Variants in NRXN1 observed in about 807,000 individuals in gnomAD.
NRXN1 encodes the protein neurexin-1.
In NRXN1, 39 loss-of-function variants were observed where a neutral mutation model predicts 150.9. The observed-to-expected ratio is 0.26, with a 90% confidence interval of 0.20 to 0.34. The LOEUF (loss-of-function observed/expected upper bound fraction) is 0.34. NRXN1 is among the 10% of genes least tolerant of loss of function. NRXN1 has a pLI of 1.00. For synonymous variants in NRXN1, 924 were observed against 757.0 expected (o/e 1.22, Z -3.62); for missense variants, 1,815 against 1,949.9 (o/e 0.93, Z 1.30).
chr2:50,400,391 C>T (rs1465612276), intron 17 of NRXN1, among the ~76,000 whole-genome samples: 2 of 151,894 alleles, frequency 1.3e-5, no homozygotes, highest in African/African-American at 2.4e-5. Flanking sequence ...ATAAGGAGTG[C>T]TATTGGGGGG....
chr2:50,028,745 T>G (rs1481078486), intron 21 of NRXN1, among the ~76,000 whole-genome samples: 2 of 152,250 alleles, frequency 1.3e-5, no homozygotes, highest in Non-Finnish European at 2.9e-5. Flanking sequence ...TCCTTAATCT[T>G]ACATTTGTTT....
chr2:50,001,009 A>T (rs1683829492), intron 21 of NRXN1, among the ~76,000 whole-genome samples: 1 of 152,164 alleles, frequency 6.6e-6, no homozygotes, highest in African/African-American at 2.4e-5. Flanking sequence ...CCCACAACAA[A>T]ACAAACCCAA....
intron 2 of NRXN1, among the ~76,000 whole-genome samples, chr2:50,949,071 T>A (rs1046628318): frequency 6.6e-6 from 1 of 152,064 alleles, no homozygotes; most frequent in Non-Finnish European, 1.5e-5. Flanking sequence ...CCAGCATTTG[T>A]TAATAAGAAG....
chr2:50,245,664 C>T (rs568096233), intron 17 of NRXN1, among the ~76,000 whole-genome samples: 71 of 151,764 alleles, frequency 4.7e-4, no homozygotes, highest in Non-Finnish European at 9.1e-4. Context: ...TTACTTATTT[C>T]AAAGGTTAAT....
At chr2:50,911,279 A>G (rs768943959) in intron 5 of NRXN1, among the ~76,000 whole-genome samples, 1 of 151,786 alleles carries the variant, frequency 6.6e-6, no homozygotes, top group Admixed American at 6.6e-5. Flanking sequence ...ACAACATTAC[A>G]ATCTCGTGTT....
chr2:50,333,941 T>G (rs951599239), intron 17 of NRXN1, among the ~76,000 whole-genome samples: 7 of 152,042 alleles, frequency 4.6e-5, no homozygotes, highest in African/African-American at 1.7e-4. Context: ...CTGCAAGTCT[T>G]GCCTTCACCA....
chr2:50,273,605 A>G (rs1436048457), intron 17 of NRXN1, among the ~76,000 whole-genome samples: 1 of 152,138 alleles, frequency 6.6e-6, no homozygotes, highest in Admixed American at 6.6e-5. Context: ...TATTTAAAAT[A>G]ACAATAGAAT....
chr2:50,163,859 A>G (rs1023024283), intron 18 of NRXN1, among the ~76,000 whole-genome samples: 44 of 152,326 alleles, frequency 2.9e-4, no homozygotes, highest in African/African-American at 1.0e-3. Flanking sequence ...GTTCATAAGC[A>G]AGATGGCAAT....
chr2:50,263,844 C>G (rs926336599), intron 17 of NRXN1, among the ~76,000 whole-genome samples: 3 of 152,102 alleles, frequency 2.0e-5, no homozygotes, highest in Non-Finnish European at 4.4e-5. Flanking sequence ...TTGTATCACT[C>G]TATTGATTGG....
chr2:49,949,420 T>C (rs1251296434), intron 21 of NRXN1, among the ~76,000 whole-genome samples: 1 of 151,982 alleles, frequency 6.6e-6, no homozygotes, highest in Non-Finnish European at 1.5e-5. Flanking sequence ...ATAAACCCAG[T>C]ATGTAATATT....
intron 22 of NRXN1, chr2:49,926,186 C>T: frequency 2.5e-6 from 1 of 394,790 alleles, no homozygotes; most frequent in Non-Finnish European, 4.5e-6. Context: ...CAGTTATGAC[C>T]CATTTCATAT....
chr2:50,518,942 A>G (rs949010894), intron 12 of NRXN1, among the ~76,000 whole-genome samples: 2 of 151,872 alleles, frequency 1.3e-5, no homozygotes, highest in African/African-American at 4.8e-5. Context: ...GCCTTTATTA[A>G]GTTTATTTAT....
intron 17 of NRXN1, among the ~76,000 whole-genome samples, chr2:50,360,866 A>G (rs1445714220): frequency 6.6e-6 from 1 of 152,188 alleles, no homozygotes; most frequent in Non-Finnish European, 1.5e-5. Context: ...ATTGGAAGTA[A>G]AACACTCCTC....
intron 17 of NRXN1, among the ~76,000 whole-genome samples, chr2:50,242,848 T>A (rs751205020): frequency 4.0e-4 from 61 of 151,704 alleles, no homozygotes; most frequent in Non-Finnish European, 7.1e-4. Context: ...TTTAATCACA[T>A]CTTTGAGAAA....
At chr2:50,079,334 T>C (rs1424103786) in intron 19 of NRXN1, among the ~76,000 whole-genome samples, 1 of 152,072 alleles carries the variant, frequency 6.6e-6, no homozygotes, top group Non-Finnish European at 1.5e-5. Flanking sequence ...ATATTGTAAA[T>C]AAAGATTTAT....
chr2:50,965,530 A>G (rs574035122), intron 2 of NRXN1, among the ~76,000 whole-genome samples: 1 of 151,588 alleles, frequency 6.6e-6, no homozygotes, highest in Non-Finnish European at 1.5e-5. Context: ...TTAAAACTTA[A>G]ATACTTAACA....
intron 17 of NRXN1, among the ~76,000 whole-genome samples, chr2:50,428,799 G>A (rs1447387873): frequency 2.0e-5 from 3 of 152,026 alleles, no homozygotes; most frequent in Admixed American, 6.5e-5. Context: ...CATTTAATGT[G>A]CACAAAAATC....
At chr2:50,981,210 A>T (rs1696732806) in intron 2 of NRXN1, among the ~76,000 whole-genome samples, 1 of 152,104 alleles carries the variant, frequency 6.6e-6, no homozygotes, top group Non-Finnish European at 1.5e-5. Flanking sequence ...TAATCCCAGC[A>T]CTTAGGGAGG....
chr2:50,907,947 T>C (rs1331730815), intron 5 of NRXN1, among the ~76,000 whole-genome samples: 2 of 152,140 alleles, frequency 1.3e-5, no homozygotes, highest in African/African-American at 4.8e-5. Context: ...AATGTCACTC[T>C]AGCCAACACT....
Sources: allele counts gnomAD v4.1 joint callset (sites outside exome capture counted in the v4.1 genomes callset), GRCh38; gene constraint gnomAD v4.1.1; transcripts MANE v1.5; gene names NCBI Gene and HGNC (gene_info 2026-07-23, HGNC 2026-07-21).